Variants in NALCN observed in about 807,000 individuals in gnomAD.
NALCN encodes the protein sodium leak channel, non-selective.
NALCN carries 111 observed loss-of-function variants against 225.3 expected under a neutral mutation model. The ratio of observed to expected loss-of-function variants is 0.49; its 90% CI spans 0.42 to 0.58. NALCN has a LOEUF of 0.58. Among genes scored for constraint, NALCN ranks in the 20% least tolerant of loss-of-function variants. The pLI is 0.00. For synonymous variants in NALCN, 764 were observed against 769.0 expected (o/e 0.99, Z 0.11); for missense variants, 1,378 against 2,202.4 (o/e 0.63, Z 7.49).
At chr13:101,360,736 G>C (rs1235011171) in intron 6 of NALCN, among the ~76,000 whole-genome samples, 1 of 152,128 alleles carries the variant, frequency 6.6e-6, no homozygotes, top group Non-Finnish European at 1.5e-5. Flanking sequence ...ATAAAATTGA[G>C]ATGGTTGTCC....
At chr13:101,163,700 GA>G (rs1408484564) in intron 15 of NALCN, among the ~76,000 whole-genome samples, 1 of 152,144 alleles carries the variant, frequency 6.6e-6, no homozygotes, top group Non-Finnish European at 1.5e-5. Context: ...GCCAGCTTTA[GA>G]AGGGATCGTT....
chr13:101,132,766 G>A (rs1566316790), intron 17 of NALCN, among the ~76,000 whole-genome samples: 1 of 152,074 alleles, frequency 6.6e-6, no homozygotes, highest in Non-Finnish European at 1.5e-5. Context: ...TTATGTCTAT[G>A]TAAAATGTCA....
chr13:101,399,788 G>C (rs1259726837), intron 1 of NALCN, among the ~76,000 whole-genome samples: 4 of 152,142 alleles, frequency 2.6e-5, no homozygotes, highest in Non-Finnish European at 5.9e-5. Context: ...ATTGAGGTGG[G>C]AGATGAGATG....
intron 14 of NALCN, chr13:101,180,564 A>G: frequency 6.1e-6 from 1 of 162,738 alleles, no homozygotes; most frequent in Non-Finnish European, 1.4e-5. Flanking sequence ...CTCTCAACTC[A>G]GGGAAACTCA....
At chr13:101,372,293 A>G (rs2046562106) in intron 6 of NALCN, among the ~76,000 whole-genome samples, 1 of 152,214 alleles carries the variant, frequency 6.6e-6, no homozygotes, top group South Asian at 2.1e-4. Context: ...AACAACCCTG[A>G]TTTTAAAAAC....
intron 1 of NALCN, among the ~76,000 whole-genome samples, chr13:101,413,578 A>T (rs2047847207): frequency 6.6e-6 from 1 of 152,034 alleles, no homozygotes; most frequent in Non-Finnish European, 1.5e-5. Context: ...ACAGTATAAA[A>T]GTTGTCCAAT....
chr13:101,414,975 T>G, intron 1 of NALCN, among the ~76,000 whole-genome samples: 1 of 147,564 alleles, frequency 6.8e-6, no homozygotes, highest in East Asian at 1.9e-4. Flanking sequence ...GAACGAAAAA[T>G]CGACTCTAGA....
At chr13:101,147,578 C>A (rs1297207660) in intron 15 of NALCN, among the ~76,000 whole-genome samples, 2 of 152,044 alleles carry the variant, frequency 1.3e-5, no homozygotes, top group South Asian at 2.1e-4. Context: ...ATAAACTTTT[C>A]TTTTTTAAAG....
intron 15 of NALCN, among the ~76,000 whole-genome samples, chr13:101,156,417 G>A (rs1206772451): frequency 6.6e-6 from 1 of 152,054 alleles, no homozygotes. Context: ...AAAGAGCGGG[G>A]AAATACATGT....
At chr13:101,125,565 A>T (rs191504781) in intron 17 of NALCN, among the ~76,000 whole-genome samples, 3 of 152,154 alleles carry the variant, frequency 2.0e-5, no homozygotes, top group Non-Finnish European at 4.4e-5. Context: ...TCTAGAAGTG[A>T]ATAGCCTAGA....
chr13:101,369,974 C>A (rs1566624325), intron 6 of NALCN, among the ~76,000 whole-genome samples: 2 of 152,104 alleles, frequency 1.3e-5, no homozygotes, highest in Admixed American at 1.3e-4. Context: ...TCCTTTCCTG[C>A]TTTTAGCAAC....
intron 1 of NALCN, among the ~76,000 whole-genome samples, chr13:101,405,369 G>A (rs1487121062): frequency 6.6e-6 from 1 of 152,072 alleles, no homozygotes; most frequent in Non-Finnish European, 1.5e-5. Context: ...CCATATTTTT[G>A]TCTTATTATC....
At chr13:101,171,753 A>G (rs2038734230) in intron 15 of NALCN, among the ~76,000 whole-genome samples, 1 of 152,216 alleles carries the variant, frequency 6.6e-6, no homozygotes, top group Non-Finnish European at 1.5e-5. Flanking sequence ...ATGGGAATAA[A>G]CACACCAGAG....
At chr13:101,275,658 G>T (rs1338609238) in intron 10 of NALCN, among the ~76,000 whole-genome samples, 1 of 152,124 alleles carries the variant, frequency 6.6e-6, no homozygotes, top group East Asian at 1.9e-4. Context: ...GAGATCTGTA[G>T]CTGGGGAGGA....
At chr13:101,416,220 C>G (rs921806605) in intron 1 of NALCN, 93 bp downstream of exon 1, 5 of 152,032 alleles carry the variant, frequency 3.3e-5, no homozygotes, top group Admixed American at 3.3e-4. Flanking sequence ...CCGGACCGGC[C>G]AAGGAACTAA....
At chr13:101,259,680 T>C (rs924997442) in intron 10 of NALCN, among the ~76,000 whole-genome samples, 6 of 149,984 alleles carry the variant, frequency 4.0e-5, no homozygotes, top group African/African-American at 1.5e-4. Context: ...ACGGTTACTA[T>C]GTTCCAGGCC....
At chr13:101,069,109 C>T (rs1191594504) in intron 37 of NALCN, among the ~76,000 whole-genome samples, 3 of 152,114 alleles carry the variant, frequency 2.0e-5, no homozygotes, top group Non-Finnish European at 4.4e-5. Context: ...TTTCTGCCAC[C>T]ACCACCAGCC....
intron 10 of NALCN, among the ~76,000 whole-genome samples, chr13:101,261,500 AT>A (rs2140227153): frequency 6.6e-6 from 1 of 152,196 alleles, no homozygotes; most frequent in African/African-American, 2.4e-5. Flanking sequence ...ATATTTTTCC[AT>A]TTTTGGTGTC....
chr13:101,136,271 G>T (rs182886802), intron 17 of NALCN, among the ~76,000 whole-genome samples: 109 of 150,384 alleles, frequency 7.2e-4, no homozygotes, highest in Non-Finnish European at 1.4e-3. Context: ...AAAATGGTTT[G>T]ATTTTATAGT....
Sources: gnomAD v4.1 joint callset for allele counts (sites outside exome capture counted in the v4.1 genomes callset) on GRCh38, gnomAD v4.1.1 for gene constraint, MANE v1.5 for transcripts, NCBI Gene and HGNC (gene_info 2026-07-23, HGNC 2026-07-21) for gene names.